COX6B1: variants seen among roughly 807,000 people sequenced by gnomAD.
COX6B1 encodes the protein cytochrome c oxidase subunit 6B1.
In COX6B1, 2 loss-of-function variants were observed where a neutral mutation model predicts 14.0. The ratio of observed to expected loss-of-function variants is 0.14; its 90% CI spans 0.06 to 0.45. The LOEUF is 0.45. Among genes scored for constraint, COX6B1 ranks in the 20% least tolerant of loss-of-function variants. The probability of loss-of-function intolerance (pLI) is 0.98; values close to 1 mark genes in which losing one functional copy is unlikely to be tolerated. For missense variants in COX6B1, 81 were observed against 114.2 expected, an observed-to-expected ratio of 0.71 and a Z score of 1.33; for synonymous variants, 30 against 39.7, an observed-to-expected ratio of 0.76 and a Z score of 0.92.
At chr19:35,654,807 T>G (rs545489648) in intron 3 of COX6B1, 136 bp downstream of exon 3, 2 of 724,450 alleles carry the variant, frequency 2.8e-6, no homozygotes, top group Non-Finnish European at 4.6e-6. Context: ...ACTCAGTGCC[T>G]TTCCTCCCGC....
chr19:35,651,181 C>A, intron 1 of COX6B1, 52 bp from the exon 2 acceptor site: 1 of 1,147,926 alleles, frequency 8.7e-7, no homozygotes, highest in African/African-American at 1.5e-5. Context: ...GGTAGTCTGG[C>A]TTGCTCAGGG....
intron 1 of COX6B1, chr19:35,648,693 G>T: frequency 2.6e-6 from 1 of 384,532 alleles, no homozygotes; most frequent in Non-Finnish European, 5.2e-6. Flanking sequence ...GATACCAAGC[G>T]ACCTAGCTGA....
chr19:35,655,809 C>G (rs1822636643), intron 3 of COX6B1, among the ~76,000 whole-genome samples: 2 of 150,666 alleles, frequency 1.3e-5, no homozygotes, highest in Non-Finnish European at 3.0e-5. Flanking sequence ...CTCGCTCTCT[C>G]TTGCTCTCTT....
chr19:35,653,007 C>T lies in COX6B1; in HGVS notation c.107-1564C>T, dbSNP rs1013636909. On this transcript the variant is annotated intron_variant, in intron 2 of 3. Coordinates refer to ENST00000649813, the MANE Select transcript of COX6B1 (RefSeq NM_001863.5). ...TTTTTGAGACGGAGTCTCGCTTTGTCGCCCAGGTTGGAGTGCAGTGGTGCA... is the reference window on the plus strand; with the variant it reads ...TTTTTGAGACGGAGTCTCGCTTTGTTGCCCAGGTTGGAGTGCAGTGGTGCA... 2.7e-3 allele frequency among the ~76,000 whole-genome samples: 356 copies of T among 133,382 alleles called. 4 individuals carry two copies. Among genetic ancestry groups the T allele is most frequent in the Middle Eastern group, 0.011 (2 of 190 alleles). 87.5% of individuals were successfully genotyped at this position (133,382 alleles called of 152,430 possible).
chr19:35,648,566 T>C (rs2146368460), intron 1 of COX6B1, 163 bp downstream of exon 1: 1 of 330,714 alleles, frequency 3.0e-6, no homozygotes, highest in African/African-American at 2.2e-5. Context: ...AATGATACGG[T>C]TCTTCCTTGA....
At chr19:35,654,722 G>C (rs1464201062) in intron 3 of COX6B1, 51 bp downstream of exon 3, 2 of 1,542,468 alleles carry the variant, frequency 1.3e-6, no homozygotes, top group African/African-American at 2.7e-5. Flanking sequence ...GGTCTTAGCA[G>C]AGGGGAGTGT....
intron 2 of COX6B1, among the ~76,000 whole-genome samples, chr19:35,653,736 G>T (rs974841102): frequency 4.6e-5 from 7 of 150,892 alleles, no homozygotes; most frequent in African/African-American, 1.5e-4. Context: ...GCCCGCCACC[G>T]CGCCCAGCTA....
At chr19:35,655,509 C>T (rs1212434835) in intron 3 of COX6B1, among the ~76,000 whole-genome samples, 1 of 152,094 alleles carries the variant, frequency 6.6e-6, no homozygotes, top group South Asian at 2.1e-4. Context: ...CCCCTGCCTA[C>T]TTCAGTGTGG....
intron 2 of COX6B1, 121 bp downstream of exon 2, chr19:35,651,470 A>G (rs563583739): frequency 8.0e-6 from 6 of 754,020 alleles, no homozygotes; most frequent in Non-Finnish European, 1.2e-5. Context: ...TGGAAGGCCC[A>G]TGCCTCTCAT....
rs1318447845 is a variant in COX6B1, at chr19:35,658,530, GAAGAT to G, written c.208-59_208-55del. ...TGAACAAACAGGTGGGCAAAGTGAG[GAAGAT>G]AAGAAGTCCATCCGTTCAGTTTCCC... is the stretch of plus-strand genomic sequence containing the variant. On this transcript the variant is annotated intron_variant, in intron 3 of 3. Coordinates refer to ENST00000649813, the MANE Select transcript of COX6B1 (RefSeq NM_001863.5). 8 of 1,445,014 alleles carry G rather than the reference GAAGAT, an allele frequency of 5.5e-6. No individual in the cohort carries two copies. The East Asian group carries it at 1.8e-4, about 33-fold the overall frequency. 89.5% of individuals were successfully genotyped at this position (1,445,014 alleles called of 1,614,324 possible).
chr19:35,650,201 A>C (rs911460600), intron 1 of COX6B1, among the ~76,000 whole-genome samples: 3 of 151,780 alleles, frequency 2.0e-5, no homozygotes, highest in African/African-American at 7.3e-5. Context: ...CCAGGGTTTC[A>C]CCATGTTGGC....
rs549678512 is a variant in COX6B1 at position 35,652,657 on chromosome 19, G to T, written c.106+1308G>T. On this transcript the variant is annotated intron_variant, in intron 2 of 3. Transcript: ENST00000649813. ...GACAAGGTTTCACCATGTTGATCAGGCTGATCTTGAACTCCTGACCTCAGG... is the reference window on the plus strand; with the variant it reads ...GACAAGGTTTCACCATGTTGATCAGTCTGATCTTGAACTCCTGACCTCAGG... Among the ~76,000 whole-genome samples the T allele has an allele frequency of 6.7e-5, 10 of 150,192 alleles. No individual in the cohort carries two copies. The South Asian group carries it at 1.9e-3, about 29-fold the overall frequency.
At chr19:35,655,787 C>CTCT (rs1555720383) in intron 3 of COX6B1, among the ~76,000 whole-genome samples, 1 of 146,646 alleles carries the variant, frequency 6.8e-6, no homozygotes, top group South Asian at 2.2e-4. Context: ...CTCTCTCTCT[C>CTCT]TTTGTCGCCC....
intron 1 of COX6B1, among the ~76,000 whole-genome samples, chr19:35,649,535 A>G (rs944808134): frequency 2.0e-5 from 3 of 151,320 alleles, no homozygotes; most frequent in Admixed American, 1.3e-4. Context: ...CTGGAGTACA[A>G]TGGCACAATC....
rs1329893973 is a variant in COX6B1, at chr19:35,650,021, G to A, written c.-11-1212G>A. Among the ~76,000 whole-genome samples, 3 of 109,732 alleles carry A rather than the reference G, an allele frequency of 2.7e-5. No individual in the cohort carries two copies. The South Asian group carries it at 8.6e-4, about 31-fold the overall frequency. The allele number at this position is 109,732 out of a possible 152,430, so 72.0% of individuals were successfully genotyped here. On this transcript the variant is annotated intron_variant, in intron 1 of 3. Transcript: ENST00000649813. ...CAAAATTGTATTTTTTTTTTTTTTTGAGACAGTGTTTTTGCTCTGTTGCCC... is the reference window on the plus strand; with the variant it reads ...CAAAATTGTATTTTTTTTTTTTTTTAAGACAGTGTTTTTGCTCTGTTGCCC...
rs903173519 is a variant in COX6B1, at chr19:35,651,217, C to G, written c.-11-16C>G. 5 of 1,580,808 alleles carry G rather than the reference C, an allele frequency of 3.2e-6. No individual in the cohort carries two copies. The highest frequency in any genetic ancestry group is 1.3e-5 in the African/African-American group (1 of 74,102). ...CCCCTGGGGCCCCTGCTGACACCCA[C>G]TCCTTTCGCCTCCAGGATTCAGCAC... On this transcript the variant is annotated splice_polypyrimidine_tract_variant and intron_variant, in intron 1 of 3. Transcript: ENST00000649813.
At chr19:35,658,248 A>G (rs925943514) in intron 3 of COX6B1, among the ~76,000 whole-genome samples, 5 of 151,986 alleles carry the variant, frequency 3.3e-5, no homozygotes, top group African/African-American at 9.7e-5. Flanking sequence ...GCTGCCTGCT[A>G]TTCCATCTCC....
chr19:35,656,826 G>A (rs1190519630), intron 3 of COX6B1, among the ~76,000 whole-genome samples: 1 of 152,114 alleles, frequency 6.6e-6, no homozygotes. Context: ...TAACACAACC[G>A]TATGAGGTAG....
At chr19:35,652,521 G>T (rs990681841) in intron 2 of COX6B1, among the ~76,000 whole-genome samples, 4 of 151,080 alleles carry the variant, frequency 2.6e-5, no homozygotes, top group Non-Finnish European at 5.9e-5. Flanking sequence ...AACCTCTTCT[G>T]CCTGCTGGGT....
Sources: allele counts gnomAD v4.1 joint callset (sites outside exome capture counted in the v4.1 genomes callset), GRCh38; gene constraint gnomAD v4.1.1; transcripts MANE v1.5; gene names NCBI Gene and HGNC (gene_info 2026-07-23, HGNC 2026-07-21).